The following CYRIA variants were observed in gnomAD, a reference collection of about 807,000 sequenced individuals.
CYRIA encodes CYFIP-related Rac1 interactor A.
In CYRIA, 15 loss-of-function variants were observed where a neutral mutation model predicts 43.9. The ratio of observed to expected loss-of-function variants is 0.34; its 90% CI spans 0.23 to 0.53. CYRIA has a LOEUF of 0.53. Ranked by LOEUF, CYRIA falls within the 20% of genes least tolerant of loss-of-function variation. CYRIA has a pLI of 0.94. For missense variants in CYRIA, 236 were observed against 394.2 expected, an observed-to-expected ratio of 0.60 and a Z score of 3.40; for synonymous variants, 117 against 136.0, an observed-to-expected ratio of 0.86 and a Z score of 0.97.
rs1481453290 is a variant in CYRIA at position 16,550,710 on chromosome 2, A to C, written c.*2226T>G. The C allele has an allele frequency of 6.6e-6, 1 of 152,184 alleles. No individual in the cohort carries two copies. The highest frequency in any genetic ancestry group is 1.5e-5 in the Non-Finnish European group (1 of 68,028). The allele number at this position is 152,184 out of a possible 1,614,324, so 9.4% of individuals were successfully genotyped here. ...TTTCTCCATTAGCCAGCTGAGAGTC[A>C]GCTGTGGTAGAGACACACGACATGG... On this transcript the variant is annotated 3_prime_UTR_variant, in exon 12 of 12. Transcript: ENST00000381323.
intron 1 of CYRIA, among the ~76,000 whole-genome samples, chr2:16,645,238 C>A (rs1001053022): frequency 2.0e-5 from 3 of 152,230 alleles, no homozygotes; most frequent in Non-Finnish European, 2.9e-5. Context: ...CTCACCTATT[C>A]TTGGCTTGCA....
In CYRIA at chr2:16,650,154, AT is replaced by A. The variant is rs1669934861; in HGVS notation, c.-167+15625del. Among the ~76,000 whole-genome samples, 1 of 152,196 alleles carries A rather than the reference AT, an allele frequency of 6.6e-6. No individual in the cohort carries two copies. Among genetic ancestry groups the A allele is most frequent in the African/African-American group, 2.4e-5 (1 of 41,432 alleles). Reference sequence around the variant, plus strand: ...ACAGTCGTCGCCATCAGCCACTGAGATTTGGGGGTTATTTCTGACTGCAGCA... The same window carrying A: ...ACAGTCGTCGCCATCAGCCACTGAGATTGGGGGTTATTTCTGACTGCAGCA... On this transcript the variant is annotated intron_variant, in intron 1 of 11. Transcript: ENST00000381323. This position sits in a 1 kb window ranked among gnomAD's most constrained non-coding sequence, Gnocchi z 4.1.
rs1158292764 is a variant in CYRIA at position 16,561,046 on chromosome 2, G to A, written c.654C>T (p.Asn218=). ...VSENKTLPIE[N]TTDCLSTMTS... is the part of the protein sequence containing the mutation. ...TCATTGTGCTGAGGCAGTCTGTGGT[G>A]TTCTCTATTGGCAGAGTTTTGTTCT... The change falls in exon 9 of 12, where the codon AAC becomes AAT. Residue 218 remains asparagine (N), a synonymous_variant. Coordinates refer to ENST00000381323, the MANE Select transcript of CYRIA (RefSeq NM_030797.4). 4 of 1,613,714 alleles carry A rather than the reference G, an allele frequency of 2.5e-6. No homozygotes were observed. Among genetic ancestry groups the A allele is most frequent in the Non-Finnish European group, 3.4e-6 (4 of 1,179,732 alleles).
chr2:16,562,188 G>A (rs749097610), intron 5 of CYRIA, 47 bp from the exon 6 acceptor site: 2 of 1,572,738 alleles, frequency 1.3e-6, no homozygotes, highest in South Asian at 1.2e-5. Flanking sequence ...GGCCCACAGA[G>A]GTCCTTCAAA....
chr2:16,590,068 G>GCA (rs70961461), intron 2 of CYRIA, among the ~76,000 whole-genome samples: 7,725 of 147,692 alleles, frequency 0.052, 258 homozygotes, highest in African/African-American at 0.09. Flanking sequence ...GGGCATGCAT[G>GCA]CACACACACA....
chr2:16,654,506 A>G (rs1670052110), intron 1 of CYRIA, among the ~76,000 whole-genome samples: 1 of 152,216 alleles, frequency 6.6e-6, no homozygotes, highest in Admixed American at 6.5e-5. Flanking sequence ...TTTAAAAAAA[A>G]ATAAAATTGT....
intron 1 of CYRIA, among the ~76,000 whole-genome samples, chr2:16,652,361 C>G (rs76424713): frequency 6.6e-6 from 1 of 152,148 alleles, no homozygotes; most frequent in South Asian, 2.1e-4. Context: ...GCAGAGGATA[C>G]GAGGTGGGAG....
chr2:16,587,973 TTTATG>T (rs1344658179), intron 3 of CYRIA, 72 bp downstream of exon 3: 9 of 905,492 alleles, frequency 9.9e-6, no homozygotes, highest in Non-Finnish European at 1.0e-5. Flanking sequence ...GATATAAATA[TTTATG>T]TTATAACTTC....
chr2:16,585,173 G>T (rs1394836395), intron 3 of CYRIA, among the ~76,000 whole-genome samples: 1 of 151,972 alleles, frequency 6.6e-6, no homozygotes, highest in Non-Finnish European at 1.5e-5. Context: ...TACCCCTCCA[G>T]CCCATCATCA....
At chr2:16,636,001 T>C (rs1401845595) in intron 1 of CYRIA, among the ~76,000 whole-genome samples, 1 of 152,078 alleles carries the variant, frequency 6.6e-6, no homozygotes, top group Non-Finnish European at 1.5e-5. Context: ...CACGGGGAAC[T>C]GCAACAGAAT....
intron 1 of CYRIA, among the ~76,000 whole-genome samples, chr2:16,631,147 C>T (rs544788035): frequency 3.8e-4 from 58 of 152,352 alleles, no homozygotes; most frequent in African/African-American, 1.4e-3. Flanking sequence ...ACCAGCAAGC[C>T]TCTTTGGACT....
At chr2:16,631,247 T>C (rs1669322041) in intron 1 of CYRIA, among the ~76,000 whole-genome samples, 1 of 152,260 alleles carries the variant, frequency 6.6e-6, no homozygotes, top group East Asian at 1.9e-4. Context: ...AGGTCATGTC[T>C]CATTCATCTT....
At chr2:16,629,172 C>T (rs1247066483) in intron 1 of CYRIA, among the ~76,000 whole-genome samples, 1 of 152,172 alleles carries the variant, frequency 6.6e-6, no homozygotes, top group African/African-American at 2.4e-5. Flanking sequence ...TGGGAGGACA[C>T]AGACCTGGGG....
chr2:16,600,243 G>A (rs980913121), intron 2 of CYRIA, among the ~76,000 whole-genome samples: 7 of 152,176 alleles, frequency 4.6e-5, no homozygotes, highest in East Asian at 1.9e-4. Flanking sequence ...ATCTGAAGTC[G>A]GGGACTTGGG....
At chr2:16,563,802 G>C (rs1460096906) in intron 5 of CYRIA, among the ~76,000 whole-genome samples, 187 bp downstream of exon 5, 1 of 152,158 alleles carries the variant, frequency 6.6e-6, no homozygotes, top group East Asian at 1.9e-4. Flanking sequence ...TAACTTCAGG[G>C]GAAGAACTTT....
chr2:16,568,124 C>T (rs543456940), intron 3 of CYRIA, among the ~76,000 whole-genome samples: 1 of 150,768 alleles, frequency 6.6e-6, no homozygotes, highest in Non-Finnish European at 1.5e-5. Flanking sequence ...TTTAAATGCC[C>T]ACATGGTGCA....
chr2:16,561,923 C>T (rs1222683568), intron 6 of CYRIA, 82 bp downstream of exon 6: 3 of 1,370,098 alleles, frequency 2.2e-6, no homozygotes, highest in Non-Finnish European at 3.0e-6. Flanking sequence ...TACCCACCCA[C>T]CCCACAGCAC....
intron 5 of CYRIA, among the ~76,000 whole-genome samples, chr2:16,563,024 G>A (rs879459294): frequency 2.6e-5 from 4 of 152,068 alleles, no homozygotes; most frequent in Non-Finnish European, 4.4e-5. Flanking sequence ...TTTCTACCGG[G>A]ATATCTCTGG....
intron 10 of CYRIA, among the ~76,000 whole-genome samples, chr2:16,556,165 T>C (rs1393978605): frequency 1.3e-5 from 2 of 152,126 alleles, no homozygotes; most frequent in African/African-American, 2.4e-5. Context: ...TCATTGTGCT[T>C]CTTGCATGTC....
Sources: gnomAD v4.1 joint callset for allele counts (sites outside exome capture counted in the v4.1 genomes callset) on GRCh38, gnomAD v4.1.1 for gene constraint, Gnocchi (gnomAD v3.1) non-coding constraint, MANE v1.5 for transcripts, NCBI Gene and HGNC (gene_info 2026-07-23, HGNC 2026-07-21) for gene names.